RUNDC1: variants seen among roughly 807,000 people sequenced by gnomAD.
The protein encoded by RUNDC1 is RUN domain containing 1, also known as RUN domain-containing protein 1.
A neutral mutation model predicts 49.3 loss-of-function variants in RUNDC1; 31 were observed. That is an observed-to-expected ratio of 0.63 (90% CI 0.47 to 0.85). RUNDC1 has a LOEUF of 0.85. Among genes scored for constraint, RUNDC1 ranks in the 40% least tolerant of loss-of-function variants. RUNDC1 has a pLI of 0.00. For missense variants in RUNDC1, 715 were observed against 806.7 expected (o/e 0.89, Z 1.38); for synonymous variants, 347 against 348.6 (o/e 1.00, Z 0.05).
Position 42,990,870 on chromosome 17 carries a change from GA to G in RUNDC1, c.999del (p.Val334SerfsTer8). ...NSKTKAEDVK[K>X]VRETGLHLMR... Reference sequence around the variant, plus strand: ...AAGCAGCAAAGGCAGAGGATGTGAAGAAAGTCCGGGAGACGGGGCTGCACCT... The same window carrying G: ...AAGCAGCAAAGGCAGAGGATGTGAAGAAGTCCGGGAGACGGGGCTGCACCT... On this transcript the variant is annotated frameshift_variant, in exon 5 of 5. Coordinates refer to ENST00000361677, the MANE Select transcript of RUNDC1 (RefSeq NM_173079.5). LOFTEE classifies it high-confidence loss of function. The G allele has an allele frequency of 6.3e-7, 1 of 1,597,436 alleles. No homozygotes were observed. The highest frequency in any genetic ancestry group is 8.6e-7 in the Non-Finnish European group (1 of 1,168,064).
At chr17:42,987,864 T>C (rs1230756097) in intron 2 of RUNDC1, among the ~76,000 whole-genome samples, 5 of 152,156 alleles carry the variant, frequency 3.3e-5, no homozygotes. Context: ...GCAATTCTCC[T>C]GCCTCAGCCT....
rs752355163 is a variant in RUNDC1, at chr17:42,990,450, C to A, written c.976+14C>A. The A allele has an allele frequency of 1.2e-6, 2 of 1,613,104 alleles. No homozygotes were observed. Among genetic ancestry groups the A allele is most frequent in the South Asian group, 1.1e-5 (1 of 91,018 alleles). On this transcript the variant is annotated intron_variant, in intron 4 of 4. Coordinates refer to ENST00000361677, the MANE Select transcript of RUNDC1 (RefSeq NM_173079.5). ...GAAACAGCAAAAGTAAGTGCAGTTT[C>A]CAGAACAGGCAAATCTCTAGAGACA...
rs751797374 is a variant in RUNDC1 at position 42,991,317 on chromosome 17, T to C, written c.1443T>C (p.His481=). Residue 481 remains histidine, a synonymous_variant, in exon 5 of 5, where the codon CAT becomes CAC. Coordinates refer to ENST00000361677, the MANE Select transcript of RUNDC1 (RefSeq NM_173079.5). The part of the protein sequence containing the change: ...HPWELFVKYY[H]AKNGRAYVES... ...GGGAGCTCTTTGTAAAGTACTACCA[T>C]GCTAAGAACGGCCGTGCTTATGTGG... The C allele has an allele frequency of 1.2e-4, 186 of 1,614,050 alleles. No individual in the cohort carries two copies. The highest frequency in any genetic ancestry group is 1.5e-4 in the Non-Finnish European group (179 of 1,180,056).
Position 42,990,908 on chromosome 17 carries a change from C to T in RUNDC1, c.1034C>T (p.Ala345Val), listed in dbSNP as rs779974943. The change falls in exon 5 of 5, where the codon GCG (alanine) becomes GTG (valine). Residue 345 changes from alanine to valine, a missense_variant. Around this residue, in one of 5 missense-constraint regions of RUNDC1, gnomAD observed 425 missense variants for 499.7 expected, o/e 0.85. Transcript: ENST00000361677. ...ACGGGGCTGCACCTGATGCGGCGAG[C>T]GCTGGCCGTGCTCCAGATCTTTGCT... The part of the protein sequence containing the change: ...RETGLHLMRR[A>V]LAVLQIFAVS... The T allele has an allele frequency of 1.5e-5, 24 of 1,610,564 alleles. No homozygotes were observed. Among genetic ancestry groups the T allele is most frequent in the Middle Eastern group, 3.3e-4 (2 of 6,074 alleles).
chr17:42,982,432 G>A (rs1436060850), intron 1 of RUNDC1, among the ~76,000 whole-genome samples: 3 of 152,092 alleles, frequency 2.0e-5, no homozygotes, highest in Admixed American at 6.6e-5. Context: ...TGTGTTTACT[G>A]TTCCACCCTT....
Position 42,991,026 on chromosome 17 carries a change from G to A in RUNDC1, c.1152G>A (p.Arg384=). The A allele has an allele frequency of 6.2e-7, 1 of 1,614,168 alleles. No homozygotes were observed. The highest frequency in any genetic ancestry group is 1.1e-5 in the South Asian group (1 of 91,078). ...GAGACTACTCTCCCTTGCTGAAGAGGCTGGAGGTGTCAGTGGACAGAGTGA... is the reference window on the plus strand; with the variant it reads ...GAGACTACTCTCCCTTGCTGAAGAGACTGGAGGTGTCAGTGGACAGAGTGA... ...ADRDYSPLLK[R]LEVSVDRVKQ... Residue 384 remains arginine (R), a synonymous_variant, in exon 5 of 5, where the codon AGG becomes AGA. Transcript: ENST00000361677.
chr17:42,981,061 G>T lies in RUNDC1; in HGVS notation c.485G>T (p.Arg162Leu). 1 of 1,563,316 alleles carries T rather than the reference G, an allele frequency of 6.4e-7. No homozygotes were observed. Among genetic ancestry groups the T allele is most frequent in the Non-Finnish European group, 8.6e-7 (1 of 1,162,588 alleles). The change falls in exon 1 of 5, where the codon CGG becomes CTG. Residue 162 changes from arginine (R) to leucine (L), a missense_variant. By Grantham distance (102) the Arg-to-Leu change is moderately radical. Coordinates refer to ENST00000361677, the MANE Select transcript of RUNDC1 (RefSeq NM_173079.5). Reference protein sequence around the residue: ...DGLPGDRPWLRGEDQSEQEKQ... With the variant: ...DGLPGDRPWLLGEDQSEQEKQ... Reference sequence around the variant, plus strand: ...CTGCCAGGGGACCGGCCATGGTTGCGGGGCGAGGACCAGGTGAGTGGCTGG... The same window carrying T: ...CTGCCAGGGGACCGGCCATGGTTGCTGGGCGAGGACCAGGTGAGTGGCTGG...
At chr17:42,987,892 A>G (rs932257960) in intron 2 of RUNDC1, among the ~76,000 whole-genome samples, 2 of 152,072 alleles carry the variant, frequency 1.3e-5, no homozygotes, top group Non-Finnish European at 2.9e-5. Flanking sequence ...AACTGGGATT[A>G]TAGGCAGGCG....
At position 42,992,595 on chromosome 17, in the gene RUNDC1, A is replaced by G. The variant is rs920467385; in HGVS notation, c.*879A>G. The G allele has an allele frequency of 2.0e-5, 3 of 149,582 alleles. No homozygotes were observed. The highest frequency in any genetic ancestry group is 7.3e-5 in the African/African-American group (3 of 40,834). The allele number at this position is 149,582 out of a possible 1,614,324, so 9.3% of individuals were successfully genotyped here. A position where few individuals can be genotyped will look rare whatever the true frequency, so the allele number is the denominator to read the frequency against. On this transcript the variant is annotated 3_prime_UTR_variant, in exon 5 of 5. Transcript: ENST00000361677. ...AAAAAAAAAAAAAAAAAAAAAAGAC[A>G]TTCAACTTGAGGCTCCTGTTAGTTA...
chr17:42,994,236 G>A lies in RUNDC1; in HGVS notation c.*2520G>A, dbSNP rs144049207. 6.3e-4 allele frequency among the ~76,000 whole-genome samples: 96 copies of A among 152,326 alleles called. No homozygotes were observed. The East Asian group carries it at 0.016, about 25-fold the overall frequency. ...GTATAGCCATATGGCGTAGCCCAGCGATCACCCCAGTATTGCCTTTTTCAA... is the reference window on the plus strand; with the variant it reads ...GTATAGCCATATGGCGTAGCCCAGCAATCACCCCAGTATTGCCTTTTTCAA... On this transcript the variant is annotated 3_prime_UTR_variant, in exon 5 of 5. Transcript: ENST00000361677.
chr17:42,980,776 C>T lies in RUNDC1; in HGVS notation c.200C>T (p.Ala67Val), dbSNP rs1297116664. Residue 67 changes from alanine (A) to valine (V), a missense_variant, in exon 1 of 5, where the codon GCG becomes GTG. Around this residue, in one of 5 missense-constraint regions of RUNDC1, gnomAD observed 153 missense variants for 139.4 expected, o/e 1.10. Coordinates refer to ENST00000361677, the MANE Select transcript of RUNDC1 (RefSeq NM_173079.5). ...GAGGCGACGGCCGAGGAGCCTGGCG[C>T]GGCCCCGGGCTCCCCGCCGGATTCG... ...LEEATAEEPG[A>V]APGSPPDSPG... The T allele has an allele frequency of 4.9e-6, 7 of 1,440,032 alleles. No individual in the cohort carries two copies. Among genetic ancestry groups the T allele is most frequent in the Non-Finnish European group, 6.3e-6 (7 of 1,106,204 alleles). The allele number at this position is 1,440,032 out of a possible 1,614,324, so 89.2% of individuals were successfully genotyped here. A position where few individuals can be genotyped will look rare whatever the true frequency, so the allele number is the denominator to read the frequency against.
chr17:42,981,153 T>C, intron 1 of RUNDC1, 79 bp downstream of exon 1: 1 of 1,446,346 alleles, frequency 6.9e-7, no homozygotes, highest in Non-Finnish European at 9.1e-7. Flanking sequence ...CGGATGATGG[T>C]GCATGCGGGG....
rs745509321 is a variant in RUNDC1, at chr17:42,989,552, G to T, written c.856+13G>T. 13 of 1,609,566 alleles carry T rather than the reference G, an allele frequency of 8.1e-6. No homozygotes were observed. The highest frequency in any genetic ancestry group is 1.1e-5 in the Non-Finnish European group (13 of 1,175,850). ...AACTTCATCCAAGGTTAGAGGAGGG[G>T]ATGGGATGAGAAGGGTGGACAGGTG... On this transcript the variant is annotated intron_variant, in intron 3 of 4. Coordinates refer to ENST00000361677, the MANE Select transcript of RUNDC1 (RefSeq NM_173079.5).
intron 3 of RUNDC1, among the ~76,000 whole-genome samples, chr17:42,989,747 G>A (rs746884673): frequency 2.0e-5 from 3 of 152,062 alleles, no homozygotes; most frequent in African/African-American, 4.8e-5. Context: ...CAATTCTTCC[G>A]CCTCAGCCTC....
intron 3 of RUNDC1, 59 bp downstream of exon 3, chr17:42,989,598 C>G: frequency 6.9e-7 from 1 of 1,457,408 alleles, no homozygotes; most frequent in South Asian, 1.1e-5. Context: ...TATACTTATT[C>G]TAAGTACTAG....
Position 42,991,274 on chromosome 17 carries a change from C to T in RUNDC1, c.1400C>T (p.Pro467Leu). 2 of 1,614,200 alleles carry T rather than the reference C, an allele frequency of 1.2e-6. No individual in the cohort carries two copies. Among genetic ancestry groups the T allele is most frequent in the Non-Finnish European group, 1.7e-6 (2 of 1,180,038 alleles). Residue 467 changes from proline (P) to leucine (L), a missense_variant, in exon 5 of 5, where the codon CCA becomes CTA. Around this residue, in one of 5 missense-constraint regions of RUNDC1, gnomAD observed 425 missense variants for 499.7 expected, o/e 0.85. Coordinates refer to ENST00000361677, the MANE Select transcript of RUNDC1 (RefSeq NM_173079.5). ...ACLLPAFSSAPEAMHPWELFV... is the reference protein window; with the variant it reads ...ACLLPAFSSALEAMHPWELFV... ...TTGCTGCCAGCCTTCTCCTCGGCCC[C>T]AGAGGCCATGCACCCGTGGGAGCTC... is the stretch of plus-strand genomic sequence containing the variant.
At chr17:42,986,703 G>A (rs893549888) in intron 1 of RUNDC1, among the ~76,000 whole-genome samples, 24 of 151,810 alleles carry the variant, frequency 1.6e-4, no homozygotes, top group African/African-American at 5.6e-4. Flanking sequence ...GGGTTTTACT[G>A]TGTTAGCCAG....
chr17:42,984,936 C>G (rs2050151653), intron 1 of RUNDC1, among the ~76,000 whole-genome samples: 1 of 145,698 alleles, frequency 6.9e-6, no homozygotes, highest in Admixed American at 6.9e-5. Flanking sequence ...TGCTGTGACA[C>G]CCAGGCTGGA....
chr17:42,987,028 A>G (rs576996694), intron 1 of RUNDC1, among the ~76,000 whole-genome samples: 1 of 152,272 alleles, frequency 6.6e-6, no homozygotes, highest in Admixed American at 6.5e-5. Flanking sequence ...TTAATATCCT[A>G]TTTCCAATGA....
Sources: gnomAD v4.1 joint callset for allele counts (sites outside exome capture counted in the v4.1 genomes callset) on GRCh38, gnomAD v4.1.1 for gene constraint, gnomAD v4.1.1 regional missense constraint, MANE v1.5 for transcripts, NCBI Gene and HGNC (gene_info 2026-07-23, HGNC 2026-07-21) for gene names.